ADAMTSL3: variants seen among roughly 807,000 people sequenced by gnomAD.
The protein encoded by ADAMTSL3 is ADAMTS-like protein 3.
In ADAMTSL3, 128 loss-of-function variants were observed where a neutral mutation model predicts 201.7. The ratio of observed to expected loss-of-function variants is 0.63; its 90% confidence interval spans 0.55 to 0.73. The LOEUF is 0.73. Ranked by LOEUF, ADAMTSL3 falls within the 30% of genes least tolerant of loss-of-function variation. The pLI is 0.00. For missense variants in ADAMTSL3, 1,990 were observed against 2,119.6 expected, an observed-to-expected ratio of 0.94 and a Z score of 1.20; for synonymous variants, 738 against 748.4, an observed-to-expected ratio of 0.99 and a Z score of 0.23.
At chr15:83,976,843 T>G (rs904955011) in intron 20 of ADAMTSL3, among the ~76,000 whole-genome samples, 1 of 152,080 alleles carries the variant, frequency 6.6e-6, no homozygotes, top group Non-Finnish European at 1.5e-5. Context: ...GTTCGGTGGT[T>G]GGGGACCCAT....
chr15:83,859,132 T>G (rs1001762455), intron 8 of ADAMTSL3, among the ~76,000 whole-genome samples: 2 of 152,190 alleles, frequency 1.3e-5, no homozygotes, highest in Admixed American at 6.5e-5. Context: ...GTAAGGATTT[T>G]TAAAGACAGG....
chr15:83,829,547 G>C (rs1464736960), intron 6 of ADAMTSL3, among the ~76,000 whole-genome samples: 6 of 152,036 alleles, frequency 3.9e-5, no homozygotes, highest in Admixed American at 3.9e-4. Flanking sequence ...TCTGATCTTA[G>C]TTATTTCTTG....
At chr15:83,757,232 T>C (rs915744323) in intron 3 of ADAMTSL3, among the ~76,000 whole-genome samples, 1 of 152,254 alleles carries the variant, frequency 6.6e-6, no homozygotes, top group African/African-American at 2.4e-5. Flanking sequence ...CCATGAGGGC[T>C]TGCCCCTGCT....
At chr15:83,795,570 A>G (rs2141837006) in intron 4 of ADAMTSL3, among the ~76,000 whole-genome samples, 1 of 152,288 alleles carries the variant, frequency 6.6e-6, no homozygotes, top group Middle Eastern at 3.4e-3. Context: ...GACTAGGGGG[A>G]AAATGTCCAC....
At chr15:83,875,198 G>A (rs1273674491) in intron 9 of ADAMTSL3, among the ~76,000 whole-genome samples, 1 of 152,228 alleles carries the variant, frequency 6.6e-6, no homozygotes, top group Non-Finnish European at 1.5e-5. Flanking sequence ...AGGAGAGAGG[G>A]AAGGAAGGAA....
chr15:83,697,970 A>G (rs1282754775), intron 2 of ADAMTSL3, among the ~76,000 whole-genome samples: 1 of 152,096 alleles, frequency 6.6e-6, no homozygotes, highest in East Asian at 1.9e-4. Context: ...AGATGCTTCT[A>G]GCACCCAGGA....
At chr15:83,752,493 A>ACACACACACATACATACACG (rs2062653026) in intron 3 of ADAMTSL3, among the ~76,000 whole-genome samples, 1 of 152,204 alleles carries the variant, frequency 6.6e-6, no homozygotes, top group African/African-American at 2.4e-5. Context: ...ATGCATACAC[A>ACACACACACATACATACACG]CACACACACA....
intron 3 of ADAMTSL3, among the ~76,000 whole-genome samples, chr15:83,751,739 G>A (rs1397623606): frequency 2.6e-5 from 4 of 152,152 alleles, no homozygotes; most frequent in African/African-American, 9.7e-5. Context: ...TCCTCTTTAT[G>A]GAGTTACTTT....
intron 4 of ADAMTSL3, among the ~76,000 whole-genome samples, chr15:83,800,902 T>C (rs941495973): frequency 2.0e-5 from 3 of 152,200 alleles, no homozygotes; most frequent in African/African-American, 7.2e-5. Flanking sequence ...ATTTTCTTCT[T>C]TTGTTCATAC....
At chr15:83,770,022 T>G (rs1168566116) in intron 3 of ADAMTSL3, among the ~76,000 whole-genome samples, 1 of 152,114 alleles carries the variant, frequency 6.6e-6, no homozygotes, top group Admixed American at 6.5e-5. Flanking sequence ...TAAGGTATGA[T>G]GTGTTTTATT....
intron 9 of ADAMTSL3, among the ~76,000 whole-genome samples, chr15:83,877,442 A>G (rs570833737): frequency 7.9e-5 from 12 of 152,208 alleles, no homozygotes; most frequent in Non-Finnish European, 1.5e-4. Flanking sequence ...GTATTTATGG[A>G]CCCTACTTTG....
intron 19 of ADAMTSL3, among the ~76,000 whole-genome samples, chr15:83,954,690 C>T (rs886972424): frequency 6.6e-6 from 1 of 152,160 alleles, no homozygotes; most frequent in Non-Finnish European, 1.5e-5. Flanking sequence ...GACTTGGGCC[C>T]CAAGCCCAGT....
chr15:84,001,414 A>G (rs1476799639), intron 23 of ADAMTSL3, among the ~76,000 whole-genome samples: 1 of 152,248 alleles, frequency 6.6e-6, no homozygotes, highest in Non-Finnish European at 1.5e-5. Flanking sequence ...TGGCTTCAAC[A>G]GCATACAAAG....
intron 19 of ADAMTSL3, among the ~76,000 whole-genome samples, chr15:83,953,657 G>T (rs975844232): frequency 1.3e-5 from 2 of 152,044 alleles, no homozygotes; most frequent in Admixed American, 6.5e-5. Flanking sequence ...ATTTCTTCTT[G>T]CTTATTAATA....
Position 84,036,753 on chromosome 15 carries a change from T to C in ADAMTSL3, c.4755-20T>C, listed in dbSNP as rs2068513970. 8 of 1,585,002 alleles carry C rather than the reference T, an allele frequency of 5.0e-6. No homozygotes were observed. The highest frequency in any genetic ancestry group is 6.9e-6 in the Non-Finnish European group (8 of 1,166,824). The stretch of plus-strand genomic sequence containing the variant: ...TCTCCTATTTTTTGTTTTTCCGTTT[T>C]GTTTTATTTTTCACTTCAGACCCAC... On this transcript the variant is annotated intron_variant, in intron 28 of 29. Transcript: ENST00000286744.
In ADAMTSL3 at chr15:83,988,294, A is replaced by G. The variant is rs868075658; in HGVS notation, c.3717-397A>G. Among the ~76,000 whole-genome samples the G allele has an allele frequency of 1.4e-4, 22 of 152,316 alleles. 1 individual carries two copies. In the South Asian group the frequency reaches 4.1e-3, roughly 29 times the overall value. On this transcript the variant is annotated intron_variant, in intron 21 of 29. Transcript: ENST00000286744. The stretch of plus-strand genomic sequence containing the variant: ...GCATGAAAATCCAAACAGAAAATCC[A>G]CACCTGCAGTTTGTTAGGAAGGATT...
intron 2 of ADAMTSL3, among the ~76,000 whole-genome samples, chr15:83,679,430 A>T (rs760041366): frequency 3.3e-5 from 5 of 152,000 alleles, no homozygotes; most frequent in Admixed American, 6.6e-5. Flanking sequence ...TTTGAGTATT[A>T]TGAGACTCTG....
At chr15:83,858,951 C>T in intron 8 of ADAMTSL3, 111 bp downstream of exon 8, 1 of 827,278 alleles carries the variant, frequency 1.2e-6, no homozygotes, top group Non-Finnish European at 1.9e-6. Flanking sequence ...AAAACTTTCT[C>T]TAAGTTAATG....
intron 5 of ADAMTSL3, among the ~76,000 whole-genome samples, chr15:83,810,543 G>T (rs1054956156): frequency 6.6e-6 from 1 of 152,170 alleles, no homozygotes. Flanking sequence ...TTACGGTTCT[G>T]AAGGCCCGAA....
Sources: allele counts gnomAD v4.1 joint callset (sites outside exome capture counted in the v4.1 genomes callset), GRCh38; gene constraint gnomAD v4.1.1; transcripts MANE v1.5; gene names NCBI Gene and HGNC (gene_info 2026-07-23, HGNC 2026-07-21).